RNF220: variants seen among roughly 807,000 people sequenced by gnomAD.
RNF220 encodes the protein E3 ubiquitin-protein ligase RNF220.
Under a neutral mutation model 67.1 loss-of-function variants are expected in RNF220, and 7 were observed. The observed-to-expected ratio is 0.10, with a 90% CI of 0.06 to 0.20. RNF220 has a LOEUF of 0.20. RNF220 is among the 10% of genes least tolerant of loss of function. RNF220 has a pLI of 1.00. For synonymous variants in RNF220, 270 were observed against 283.2 expected (o/e 0.95, Z 0.47); for missense variants, 565 against 740.3 (o/e 0.76, Z 2.75).
chr1:44,525,633 C>G (rs1660311439), intron 2 of RNF220, among the ~76,000 whole-genome samples: 1 of 152,182 alleles, frequency 6.6e-6, no homozygotes, highest in Admixed American at 6.5e-5. Flanking sequence ...ACTTACTTGT[C>G]ACTGTCATCT....
At chr1:44,509,891 A>T (rs1658822841) in intron 2 of RNF220, among the ~76,000 whole-genome samples, 4 of 96,726 alleles carry the variant, frequency 4.1e-5, no homozygotes, top group Middle Eastern at 5.6e-3. Context: ...TGTCCAAAAA[A>T]AAAAAAAAAA....
At chr1:44,589,407 G>T (rs773982011) in intron 2 of RNF220, among the ~76,000 whole-genome samples, 27 of 152,182 alleles carry the variant, frequency 1.8e-4, no homozygotes, top group Non-Finnish European at 2.6e-4. Context: ...GAGGTCAGGA[G>T]ATCGAGACCA....
intron 2 of RNF220, among the ~76,000 whole-genome samples, chr1:44,463,059 G>A (rs530836623): frequency 3.3e-5 from 5 of 152,084 alleles, no homozygotes; most frequent in South Asian, 4.2e-4. Context: ...AAGAAAGGCC[G>A]GGCGCAGTGG....
chr1:44,511,916 C>CGTGTGTGTGT (rs71728249), intron 2 of RNF220, among the ~76,000 whole-genome samples: 12,971 of 147,668 alleles, frequency 0.088, 663 homozygotes, highest in Admixed American at 0.11. Context: ...CGTGTGTGTG[C>CGTGTGTGTGT]GTGTGTGTGT....
chr1:44,532,558 G>T (rs1412117508), intron 2 of RNF220, among the ~76,000 whole-genome samples: 1 of 152,200 alleles, frequency 6.6e-6, no homozygotes, highest in East Asian at 1.9e-4. Context: ...TTAAGAAAGG[G>T]AAGCAACTTT....
intron 2 of RNF220, among the ~76,000 whole-genome samples, chr1:44,601,269 G>T (rs1317306955): frequency 1.3e-5 from 2 of 152,174 alleles, no homozygotes; most frequent in Non-Finnish European, 2.9e-5. Context: ...GTTAAGAAGT[G>T]GTTAGGAGGT....
chr1:44,511,916 C>CGTGCGT (rs1553234667), intron 2 of RNF220, among the ~76,000 whole-genome samples: 1 of 147,706 alleles, frequency 6.8e-6, no homozygotes, highest in Non-Finnish European at 1.5e-5. Context: ...CGTGTGTGTG[C>CGTGCGT]GTGTGTGTGT....
chr1:44,439,116 A>G (rs9659658), intron 2 of RNF220, among the ~76,000 whole-genome samples: 2,541 of 152,330 alleles, frequency 0.017, 83 homozygotes, highest in African/African-American at 0.058. Context: ...CTTAGGATAT[A>G]TTCTCGAAAG....
In RNF220 at chr1:44,624,805, TA is replaced by T. The variant is rs1643893013; in HGVS notation, c.805-1489del. 6.6e-6 allele frequency among the ~76,000 whole-genome samples: 1 copy of T among 152,188 alleles called. No homozygotes were observed. Among genetic ancestry groups the T allele is most frequent in the Admixed American group, 6.5e-5 (1 of 15,284 alleles). On this transcript the variant is annotated intron_variant, in intron 4 of 14. Transcript: ENST00000361799. This position sits in a 1 kb window ranked among gnomAD's most constrained non-coding sequence, Gnocchi z 4.2. ...GTGAAGAAGCCGTGAATTATTTTCTTAAAGATCTTATCGCTTACAATGATAA... is the reference window on the plus strand; with the variant it reads ...GTGAAGAAGCCGTGAATTATTTTCTTAAGATCTTATCGCTTACAATGATAA...
chr1:44,506,370 G>A (rs776228844), intron 2 of RNF220, among the ~76,000 whole-genome samples: 4 of 152,330 alleles, frequency 2.6e-5, no homozygotes, highest in Middle Eastern at 6.8e-3. Flanking sequence ...TCTTCTCTTC[G>A]GTCCATCACA....
At chr1:44,446,474 G>GAA (rs768992280) in intron 2 of RNF220, among the ~76,000 whole-genome samples, 2 of 151,940 alleles carry the variant, frequency 1.3e-5, no homozygotes, top group Non-Finnish European at 2.9e-5. Flanking sequence ...TGAAGAGCTT[G>GAA]TCACTGTTAA....
At chr1:44,512,850 C>T (rs541269914) in intron 2 of RNF220, among the ~76,000 whole-genome samples, 2 of 152,180 alleles carry the variant, frequency 1.3e-5, no homozygotes, top group Non-Finnish European at 1.5e-5. Flanking sequence ...CCTTCGGCAG[C>T]GAGTTTCCCA....
intron 2 of RNF220, among the ~76,000 whole-genome samples, chr1:44,527,617 A>G (rs1378188970): frequency 6.6e-6 from 1 of 152,062 alleles, no homozygotes; most frequent in Non-Finnish European, 1.5e-5. Flanking sequence ...AATGCATTAA[A>G]TAGATGAATT....
chr1:44,559,953 G>A (rs1261286731), intron 2 of RNF220, among the ~76,000 whole-genome samples: 1 of 152,214 alleles, frequency 6.6e-6, no homozygotes, highest in Non-Finnish European at 1.5e-5. Flanking sequence ...GGTGGGAGCT[G>A]AGCCTTGCCA....
chr1:44,412,117 C>T lies in RNF220; in HGVS notation c.20C>T (p.Ala7Val). 1 of 1,612,062 alleles carries T rather than the reference C, an allele frequency of 6.2e-7. No homozygotes were observed. The stretch of plus-strand genomic sequence containing the variant: ...ACTCCGATGGACTTACACCGGGCAG[C>T]CTTCAAGATGGAGAACTCATCCTAC... The part of the protein sequence containing the change: MDLHRA[A>V]FKMENSSYLP... Residue 7 changes from alanine (A) to valine (V), a missense_variant, in exon 2 of 15, where the codon GCC becomes GTC. Ala to Val is a moderately conservative substitution (Grantham distance 64, BLOSUM62 0). Coordinates refer to ENST00000361799, the MANE Select transcript of RNF220 (RefSeq NM_018150.4). The surrounding 1 kb of genome is among the most constrained non-coding windows in gnomAD (Gnocchi z 5.3).
intron 3 of RNF220, among the ~76,000 whole-genome samples, chr1:44,616,911 T>G (rs1010703079): frequency 6.6e-6 from 1 of 152,132 alleles, no homozygotes; most frequent in African/African-American, 2.4e-5. Context: ...GGCATGCACT[T>G]CTGCCAACAG....
intron 2 of RNF220, among the ~76,000 whole-genome samples, chr1:44,516,202 G>A (rs192421811): frequency 1.2e-4 from 19 of 152,254 alleles, no homozygotes; most frequent in African/African-American, 4.3e-4. Flanking sequence ...AAATACAAAG[G>A]TTTAAAAACA....
intron 2 of RNF220, chr1:44,419,853 C>T (rs1028388110): frequency 3.9e-5 from 6 of 152,226 alleles, no homozygotes; most frequent in African/African-American, 1.4e-4. Flanking sequence ...AATAAAAAAT[C>T]GTTTATAACT....
intron 5 of RNF220, among the ~76,000 whole-genome samples, chr1:44,629,789 C>T (rs1010552310): frequency 2.0e-5 from 3 of 152,146 alleles, no homozygotes; most frequent in Admixed American, 1.3e-4. Flanking sequence ...TGAAAACGGA[C>T]TCAGAGAAGG....
Sources: gnomAD v4.1 joint callset for allele counts (sites outside exome capture counted in the v4.1 genomes callset) on GRCh38, gnomAD v4.1.1 for gene constraint, Gnocchi (gnomAD v3.1) non-coding constraint, MANE v1.5 for transcripts, NCBI Gene and HGNC (gene_info 2026-07-23, HGNC 2026-07-21) for gene names.